Variants in COL24A1 observed in about 807,000 individuals in gnomAD.
The protein encoded by COL24A1 is collagen alpha-1(XXIV) chain.
A neutral mutation model predicts 253.9 loss-of-function variants in COL24A1; 224 were observed. The ratio of observed to expected loss-of-function variants is 0.88; its 90% CI spans 0.79 to 0.99. COL24A1 has a LOEUF of 0.99. Among genes scored for constraint, COL24A1 ranks in the 50% least tolerant of loss-of-function variants. The pLI, the probability that COL24A1 is intolerant of heterozygous loss-of-function variation, is 0.00. For synonymous variants in COL24A1, 685 were observed against 673.7 expected (o/e 1.02, Z -0.26); for missense variants, 2,131 against 2,068.5 (o/e 1.03, Z -0.59).
intron 52 of COL24A1, among the ~76,000 whole-genome samples, chr1:85,780,989 CA>C (rs1181606882): frequency 6.6e-6 from 1 of 152,112 alleles, no homozygotes; most frequent in Non-Finnish European, 1.5e-5. Flanking sequence ...CTTCCTGACT[CA>C]GTTCTATTTT....
At chr1:85,997,055 G>GTGTGTATATA in intron 19 of COL24A1, among the ~76,000 whole-genome samples, 95 of 95,118 alleles carry the variant, frequency 1.0e-3, no homozygotes, top group South Asian at 1.3e-3. Flanking sequence ...GTGTGTGTGT[G>GTGTGTATATA]TATATATATA....
intron 3 of COL24A1, among the ~76,000 whole-genome samples, chr1:86,119,960 C>A (rs927818440): frequency 2.0e-5 from 3 of 152,130 alleles, no homozygotes; most frequent in Non-Finnish European, 4.4e-5. Context: ...ACCAATGGAA[C>A]AGAACAGAGG....
At chr1:85,998,582 T>C (rs182368647) in intron 19 of COL24A1, among the ~76,000 whole-genome samples, 3 of 152,328 alleles carry the variant, frequency 2.0e-5, no homozygotes, top group Non-Finnish European at 4.4e-5. Context: ...TAATTCTTCA[T>C]TGGTCCCTTG....
chr1:85,936,850 A>C lies in COL24A1; in HGVS notation c.2562+24399T>G, dbSNP rs1688288208. Among the ~76,000 whole-genome samples, 2 of 147,640 alleles carry C rather than the reference A, an allele frequency of 1.4e-5. 1 individual carries two copies. The highest frequency in any genetic ancestry group is 3.0e-5 in the Non-Finnish European group (2 of 66,712). On this transcript the variant is annotated intron_variant, in intron 24 of 59. Coordinates refer to ENST00000370571, the MANE Select transcript of COL24A1 (RefSeq NM_152890.7). Reference sequence around the variant, plus strand: ...GCAGCAGAGATTTAAACACATTTTGAAAAATGAATTCCAGCATACCGGTAG... The same window carrying C: ...GCAGCAGAGATTTAAACACATTTTGCAAAATGAATTCCAGCATACCGGTAG...
chr1:85,898,498 T>A (rs1376141136), intron 28 of COL24A1, among the ~76,000 whole-genome samples: 1 of 152,210 alleles, frequency 6.6e-6, no homozygotes, highest in Non-Finnish European at 1.5e-5. Context: ...AGGTACTCCA[T>A]AATCTATTCC....
chr1:85,867,344 G>A (rs1679904485), intron 37 of COL24A1, among the ~76,000 whole-genome samples: 1 of 152,198 alleles, frequency 6.6e-6, no homozygotes, highest in Non-Finnish European at 1.5e-5. Context: ...GCCCCAATGT[G>A]GAAATACTGG....
chr1:85,878,073 C>T lies in COL24A1; in HGVS notation c.2977-898G>A, dbSNP rs573966591. On this transcript the variant is annotated intron_variant, in intron 32 of 59. Coordinates refer to ENST00000370571, the MANE Select transcript of COL24A1 (RefSeq NM_152890.7). ...CTTGATAGCTCATTTATTTTTAATG[C>T]TGAATAATATTCCATTGTATGGATA... Among the ~76,000 whole-genome samples the T allele has an allele frequency of 3.3e-5, 5 of 152,234 alleles. No homozygotes were observed. In the East Asian group the frequency reaches 5.8e-4, roughly 18 times the overall value.
At chr1:85,792,476 C>T (rs916810262) in intron 47 of COL24A1, among the ~76,000 whole-genome samples, 3 of 150,026 alleles carry the variant, frequency 2.0e-5, no homozygotes, top group South Asian at 2.1e-4. Flanking sequence ...ATTACTTGAG[C>T]CCAGGAGTTT....
intron 37 of COL24A1, among the ~76,000 whole-genome samples, chr1:85,854,501 A>G (rs1468193974): frequency 1.3e-5 from 2 of 152,140 alleles, no homozygotes; most frequent in African/African-American, 4.8e-5. Flanking sequence ...ATGCTGTGAA[A>G]AACGTTCTTG....
At chr1:85,767,986 G>A (rs1354457485) in intron 53 of COL24A1, among the ~76,000 whole-genome samples, 3 of 152,080 alleles carry the variant, frequency 2.0e-5, no homozygotes, top group Admixed American at 2.0e-4. Context: ...GGAAATAATT[G>A]CAATGAGTGC....
intron 2 of COL24A1, among the ~76,000 whole-genome samples, chr1:86,144,572 T>G (rs1160484884): frequency 3.3e-5 from 5 of 152,136 alleles, no homozygotes; most frequent in Admixed American, 6.6e-5. Flanking sequence ...GAATAATATA[T>G]GTAAAGTACC....
At chr1:85,952,350 TA>T (rs1690020766) in intron 24 of COL24A1, among the ~76,000 whole-genome samples, 1 of 152,204 alleles carries the variant, frequency 6.6e-6, no homozygotes, top group Non-Finnish European at 1.5e-5. Flanking sequence ...ATACATTCCA[TA>T]AAAGTATTTT....
At chr1:86,136,693 C>T (rs72945774) in intron 2 of COL24A1, among the ~76,000 whole-genome samples, 4,034 of 152,096 alleles carry the variant, frequency 0.027, 82 homozygotes, top group Middle Eastern at 0.085. Context: ...CTCCACCACA[C>T]GACCTCTCAG....
intron 34 of COL24A1, among the ~76,000 whole-genome samples, chr1:85,874,961 G>A (rs550148646): frequency 1.3e-5 from 2 of 152,166 alleles, no homozygotes; most frequent in African/African-American, 2.4e-5. Context: ...CTGTGCATTC[G>A]AGGGATCTGG....
At chr1:86,152,995 T>A (rs1051272162) in intron 1 of COL24A1, among the ~76,000 whole-genome samples, 1 of 152,210 alleles carries the variant, frequency 6.6e-6, no homozygotes, top group African/African-American at 2.4e-5. Context: ...GGTCTCTGTT[T>A]ATCTCTCCAG....
intron 47 of COL24A1, among the ~76,000 whole-genome samples, chr1:85,807,042 A>G (rs1242252156): frequency 6.6e-6 from 1 of 152,250 alleles, no homozygotes; most frequent in African/African-American, 2.4e-5. Context: ...ACATTTGAAC[A>G]GACATGGGCA....
At chr1:86,007,014 C>A (rs939558517) in intron 19 of COL24A1, among the ~76,000 whole-genome samples, 4 of 151,944 alleles carry the variant, frequency 2.6e-5, no homozygotes, top group Non-Finnish European at 5.9e-5. Context: ...GAGTTTGAGA[C>A]CAGCCTGGGC....
chr1:85,862,658 G>A (rs1009840734), intron 37 of COL24A1, among the ~76,000 whole-genome samples: 1 of 152,180 alleles, frequency 6.6e-6, no homozygotes, highest in Admixed American at 6.5e-5. Context: ...GGTCAGTGCA[G>A]GGCTTGCTAT....
intron 52 of COL24A1, among the ~76,000 whole-genome samples, chr1:85,778,554 C>T (rs917659787): frequency 6.6e-6 from 1 of 151,654 alleles, no homozygotes; most frequent in South Asian, 2.1e-4. Context: ...TGTTCTTTTA[C>T]AGGTCTCCCC....
Sources: gnomAD v4.1 joint callset for allele counts (sites outside exome capture counted in the v4.1 genomes callset) on GRCh38, gnomAD v4.1.1 for gene constraint, MANE v1.5 for transcripts, NCBI Gene and HGNC (gene_info 2026-07-23, HGNC 2026-07-21) for gene names.